DISC1: variants seen among roughly 807,000 people sequenced by gnomAD.
The protein encoded by DISC1 is disrupted in schizophrenia 1 protein.
Under a neutral mutation model 84.5 loss-of-function variants are expected in DISC1, and 57 were observed. That is an observed-to-expected ratio of 0.67 (90% CI 0.55 to 0.84). DISC1 has a LOEUF of 0.84. Ranked by LOEUF, DISC1 falls within the 40% of genes least tolerant of loss-of-function variation. The pLI is 0.00. For missense variants in DISC1, 1,000 were observed against 1,057.8 expected (o/e 0.95, Z 0.76); for synonymous variants, 411 against 415.2 (o/e 0.99, Z 0.12).
intron 3 of DISC1, among the ~76,000 whole-genome samples, chr1:231,711,446 G>A (rs998502236): frequency 2.8e-5 from 4 of 143,974 alleles, no homozygotes; most frequent in South Asian, 4.5e-4. Context: ...TGCAAGCTCC[G>A]CCTCCCGGGT....
intron 1 of DISC1, among the ~76,000 whole-genome samples, chr1:231,680,779 A>T (rs2063609826): frequency 6.6e-6 from 1 of 152,244 alleles, no homozygotes; most frequent in Non-Finnish European, 1.5e-5. Flanking sequence ...GGATCATTTT[A>T]AAAATAAACA....
chr1:231,939,508 C>T, intron 9 of DISC1, among the ~76,000 whole-genome samples: 1 of 152,172 alleles, frequency 6.6e-6, no homozygotes, highest in East Asian at 1.9e-4. Flanking sequence ...GGGAGAAAAT[C>T]CACACTCCTG....
At chr1:231,930,351 A>G (rs959771137) in intron 9 of DISC1, among the ~76,000 whole-genome samples, 4 of 152,100 alleles carry the variant, frequency 2.6e-5, no homozygotes, top group African/African-American at 9.7e-5. Flanking sequence ...TTTCACCCTA[A>G]CATTTCCTGT....
chr1:231,974,516 T>A (rs1029605513), intron 10 of DISC1, among the ~76,000 whole-genome samples: 2 of 152,192 alleles, frequency 1.3e-5, no homozygotes, highest in African/African-American at 2.4e-5. Context: ...TCTTTTCACA[T>A]AGATTTTAAG....
chr1:231,762,135 TTC>T (rs1161135324), intron 4 of DISC1, among the ~76,000 whole-genome samples: 1 of 150,864 alleles, frequency 6.6e-6, no homozygotes, highest in Non-Finnish European at 1.5e-5. Flanking sequence ...TTTCTTTTCT[TTC>T]TTTCTTTCCT....
intron 1 of DISC1, among the ~76,000 whole-genome samples, chr1:231,658,689 G>C (rs933802272): frequency 1.3e-5 from 2 of 152,056 alleles, no homozygotes; most frequent in Non-Finnish European, 2.9e-5. Flanking sequence ...TAACATGAAG[G>C]GATGCCAGAT....
rs537003557 is a variant in DISC1, at chr1:231,981,760, G to A, written c.2042+22872G>A. Among the ~76,000 whole-genome samples, 34 of 152,250 alleles carry A rather than the reference G, an allele frequency of 2.2e-4. No individual in the cohort carries two copies. The East Asian group carries it at 2.3e-3, about 10-fold the overall frequency. Reference sequence around the variant, plus strand: ...ACAGAGATGCTTATGAGTGAAGGCCGCAGAACAAGGATGGCATGACTTGTT... The same window carrying A: ...ACAGAGATGCTTATGAGTGAAGGCCACAGAACAAGGATGGCATGACTTGTT... On this transcript the variant is annotated intron_variant, in intron 10 of 12. Transcript: ENST00000439617.
chr1:231,930,205 C>T (rs559535777), intron 9 of DISC1, among the ~76,000 whole-genome samples: 1 of 152,142 alleles, frequency 6.6e-6, no homozygotes. Context: ...GCTTAGAGAT[C>T]CTGTCCTTTA....
intron 1 of DISC1, among the ~76,000 whole-genome samples, chr1:231,681,781 C>T (rs548079957): frequency 2.0e-5 from 3 of 152,076 alleles, no homozygotes; most frequent in East Asian, 1.9e-4. Context: ...CTGCAACCTC[C>T]GCCTCCTGGG....
intron 3 of DISC1, among the ~76,000 whole-genome samples, chr1:231,728,621 C>T (rs965297532): frequency 9.8e-5 from 15 of 152,368 alleles, no homozygotes; most frequent in Non-Finnish European, 1.9e-4. Flanking sequence ...TATGAAACCA[C>T]ATGGTGAACT....
At chr1:231,924,240 C>T (rs1253190530) in intron 9 of DISC1, among the ~76,000 whole-genome samples, 2 of 152,180 alleles carry the variant, frequency 1.3e-5, no homozygotes, top group East Asian at 3.9e-4. Flanking sequence ...TTTGCGGGTC[C>T]CATCTGTTCT....
chr1:231,985,336 C>CAAAAAAA (rs59619547), intron 10 of DISC1, among the ~76,000 whole-genome samples: 1 of 99,708 alleles, frequency 1.0e-5, no homozygotes, highest in African/African-American at 3.5e-5. Context: ...CCCCACCCAC[C>CAAAAAAA]AAAAAAAAAA....
chr1:231,946,015 C>T (rs373627618), intron 9 of DISC1, among the ~76,000 whole-genome samples: 7 of 152,108 alleles, frequency 4.6e-5, no homozygotes, highest in South Asian at 2.1e-4. Context: ...GATTCACAGC[C>T]GAATTCTACC....
At chr1:231,887,912 A>C (rs1185844728) in intron 9 of DISC1, among the ~76,000 whole-genome samples, 2 of 152,242 alleles carry the variant, frequency 1.3e-5, no homozygotes, top group Non-Finnish European at 2.9e-5. Flanking sequence ...ATAACAAAAC[A>C]CTATACCGTT....
chr1:231,758,835 G>T (rs986019819), intron 4 of DISC1, among the ~76,000 whole-genome samples: 2 of 152,062 alleles, frequency 1.3e-5, no homozygotes, highest in East Asian at 3.8e-4. Flanking sequence ...TATACACCCC[G>T]TGCATTTTTC....
At chr1:231,874,179 G>C (rs776222355) in intron 9 of DISC1, among the ~76,000 whole-genome samples, 6 of 151,070 alleles carry the variant, frequency 4.0e-5, no homozygotes, top group Non-Finnish European at 8.8e-5. Flanking sequence ...TTATTTTTGA[G>C]AAAAAGTCTC....
intron 4 of DISC1, among the ~76,000 whole-genome samples, chr1:231,751,431 A>C (rs2074592696): frequency 1.3e-5 from 2 of 152,248 alleles, no homozygotes; most frequent in Admixed American, 6.5e-5. Context: ...CCATTTTTGA[A>C]AATTGTGGTA....
At position 231,943,222 on chromosome 1, in the gene DISC1, A is replaced by G. The variant is rs185212433; in HGVS notation, c.1982-15606A>G. On this transcript the variant is annotated intron_variant, in intron 9 of 12. Transcript: ENST00000439617. ...CATGATGAGGCCAACAGATCAGGAG[A>G]CAGCTGCCATTGAAAAGAGTTTGTT... 1.7e-3 allele frequency among the ~76,000 whole-genome samples: 255 copies of G among 152,362 alleles called. 2 individuals carry two copies. Among genetic ancestry groups the G allele is most frequent in the South Asian group, 3.7e-3 (18 of 4,832 alleles).
chr1:231,693,865 G>GGCGGCGGCTGGC lies in DISC1; in HGVS notation c.108_119dup (p.Leu39_Arg42dup). The GGCGGCGGCTGGC allele has an allele frequency of 1.2e-6, 2 of 1,614,060 alleles. No individual in the cohort carries two copies. The highest frequency in any genetic ancestry group is 2.2e-5 in the South Asian group (2 of 91,080). On this transcript the variant is annotated inframe_insertion, in exon 2 of 13. Transcript: ENST00000439617. ...TTACCACCTGCAGCGTGCTTTCGGAGGCGGCGGCTGGCACGGAGGCCGGGC... is the reference window on the plus strand; with the variant it reads ...TTACCACCTGCAGCGTGCTTTCGGAGGCGGCGGCTGGCGCGGCGGCTGGCACGGAGGCCGGGC...
Sources: allele counts gnomAD v4.1 joint callset (sites outside exome capture counted in the v4.1 genomes callset), GRCh38; gene constraint gnomAD v4.1.1; transcripts MANE v1.5; gene names NCBI Gene and HGNC (gene_info 2026-07-23, HGNC 2026-07-21).